Variants in ARFGEF2 observed in about 807,000 individuals in gnomAD.
ARFGEF2 encodes ARF guanine nucleotide exchange factor 2.
A neutral mutation model predicts 219.9 loss-of-function variants in ARFGEF2; 74 were observed. The observed-to-expected ratio is 0.34, with a 90% CI of 0.28 to 0.41. ARFGEF2 has a LOEUF of 0.41. Ranked by LOEUF, ARFGEF2 falls within the 10% of genes least tolerant of loss-of-function variation. The probability of loss-of-function intolerance (pLI) is 1.00; values close to 1 mark genes in which losing one functional copy is unlikely to be tolerated. For synonymous variants in ARFGEF2, 733 were observed against 799.2 expected (o/e 0.92, Z 1.40); for missense variants, 1,743 against 2,218.3 (o/e 0.79, Z 4.30).
intron 26 of ARFGEF2, among the ~76,000 whole-genome samples, chr20:49,006,062 G>A (rs1307064257): frequency 6.6e-6 from 1 of 152,064 alleles, no homozygotes; most frequent in Non-Finnish European, 1.5e-5. Context: ...TTGGGAGGCC[G>A]AGTCAGGTGG....
intron 15 of ARFGEF2, 153 bp downstream of exon 15, chr20:48,984,993 G>A: frequency 2.4e-6 from 2 of 825,854 alleles, no homozygotes; most frequent in Non-Finnish European, 2.9e-6. Context: ...CCGGGTTACA[G>A]CAGTCCTGTG....
Position 48,984,846 on chromosome 20 carries a change from G to T in ARFGEF2, c.2070+6G>T. 6 of 1,612,286 alleles carry T rather than the reference G, an allele frequency of 3.7e-6. No individual in the cohort carries two copies. Among genetic ancestry groups the T allele is most frequent in the Non-Finnish European group, 5.1e-6 (6 of 1,180,016 alleles). On this transcript the variant is annotated splice_donor_region_variant and intron_variant, in intron 15 of 38. Coordinates refer to ENST00000371917, the MANE Select transcript of ARFGEF2 (RefSeq NM_006420.3). The stretch of plus-strand genomic sequence containing the variant: ...AGGAGGAGCGCCTGGATTCCGTAAG[G>T]CTTGGGGGTGTAGCACTTGCATGTG...
At chr20:49,005,266 G>C in intron 26 of ARFGEF2, 45 bp downstream of exon 26, 2 of 1,612,520 alleles carry the variant, frequency 1.2e-6, no homozygotes, top group South Asian at 2.2e-5. Flanking sequence ...TTCCCCGTTG[G>C]GGCTCCCAGA....
intron 21 of ARFGEF2, among the ~76,000 whole-genome samples, chr20:48,991,662 T>TA (rs1274070901): frequency 1.3e-5 from 2 of 152,290 alleles, no homozygotes; most frequent in East Asian, 3.9e-4. Flanking sequence ...TATAGTTACT[T>TA]ATGTGTACAA....
intron 28 of ARFGEF2, among the ~76,000 whole-genome samples, 180 bp downstream of exon 28, chr20:49,012,264 A>G (rs1412330403): frequency 1.3e-5 from 2 of 152,190 alleles, no homozygotes; most frequent in African/African-American, 2.4e-5. Context: ...ATTATTTGGT[A>G]TATGTGAAAT....
intron 35 of ARFGEF2, among the ~76,000 whole-genome samples, chr20:49,024,314 A>G (rs770588555): frequency 1.2e-4 from 18 of 152,158 alleles, no homozygotes; most frequent in Non-Finnish European, 2.5e-4. Context: ...TCAGTGTCCA[A>G]AAGTTGGACA....
intron 35 of ARFGEF2, 110 bp downstream of exon 35, chr20:49,023,291 ATCTCTT>A (rs2091577929): frequency 8.4e-6 from 12 of 1,423,056 alleles, no homozygotes; most frequent in Non-Finnish European, 1.1e-5. Flanking sequence ...TGTCATGCTC[ATCTCTT>A]TCCAACCTCA....
chr20:49,032,081 CTG>C lies in ARFGEF2; in HGVS notation c.5099_5100del (p.Val1700GlufsTer3). 3 of 1,614,058 alleles carry C rather than the reference CTG, an allele frequency of 1.9e-6. No homozygotes were observed. The highest frequency in any genetic ancestry group is 2.2e-5 in the East Asian group (1 of 44,884). On this transcript the variant is annotated frameshift_variant, in exon 38 of 39. Transcript: ENST00000371917. LOFTEE classifies it high-confidence loss of function. Reference sequence around the variant, plus strand: ...AGTGAAGCTCTTGCCTATTTCATCACTGTGAATTCTGAGAGCCATCGGGAGGC... The same window carrying C: ...AGTGAAGCTCTTGCCTATTTCATCACTGAATTCTGAGAGCCATCGGGAGGC...
intron 3 of ARFGEF2, among the ~76,000 whole-genome samples, chr20:48,950,433 T>C (rs2091058542): frequency 6.6e-6 from 1 of 152,032 alleles, no homozygotes; most frequent in Non-Finnish European, 1.5e-5. Flanking sequence ...AAAATACATA[T>C]TCATATATAT....
chr20:49,034,351 C>A lies in ARFGEF2; in HGVS notation c.*1152C>A, dbSNP rs747943155. On this transcript the variant is annotated 3_prime_UTR_variant, in exon 39 of 39. Transcript: ENST00000371917. Reference sequence around the variant, plus strand: ...TTAATCTGAGCCTAGGAGTTGAATTCTTTGGCAAGGTTGGATTCTGAGGTC... The same window carrying A: ...TTAATCTGAGCCTAGGAGTTGAATTATTTGGCAAGGTTGGATTCTGAGGTC... 1.3e-5 allele frequency: 2 copies of A among 152,238 alleles called. No homozygotes were observed. Among genetic ancestry groups the A allele is most frequent in the Non-Finnish European group, 1.5e-5 (1 of 68,068 alleles). 9.4% of individuals were successfully genotyped at this position (152,238 alleles called of 1,614,324 possible). A position where few individuals can be genotyped will look rare whatever the true frequency, so the allele number is the denominator to read the frequency against.
In ARFGEF2 at chr20:49,011,829, GTA is replaced by G. The variant is rs1038990361; in HGVS notation, c.3758-93_3758-92del. 520 of 1,246,586 alleles carry G rather than the reference GTA, an allele frequency of 4.2e-4. 1 individual carries two copies. In the African/African-American group the frequency reaches 6.9e-3, roughly 17 times the overall value. The allele number at this position is 1,246,586 out of a possible 1,614,324, so 77.2% of individuals were successfully genotyped here. On this transcript the variant is annotated intron_variant, in intron 27 of 38. Transcript: ENST00000371917. ...ATTTTCACAGTTAATTATCTCTGAT[GTA>G]TGTGTGTGTGTGTGTGTGTGCACGC...
chr20:48,927,702 T>TA (rs1298054565), intron 1 of ARFGEF2, among the ~76,000 whole-genome samples: 2 of 151,670 alleles, frequency 1.3e-5, no homozygotes, highest in East Asian at 3.9e-4. Context: ...AAAAAAAAAT[T>TA]AAAAAATAAA....
chr20:48,964,138 G>C (rs934927359), intron 7 of ARFGEF2, among the ~76,000 whole-genome samples: 3 of 152,220 alleles, frequency 2.0e-5, no homozygotes, highest in Non-Finnish European at 4.4e-5. Flanking sequence ...GCCAGGCGCG[G>C]TGGCTCATGC....
At chr20:49,005,885 T>G (rs1461521239) in intron 26 of ARFGEF2, among the ~76,000 whole-genome samples, 3 of 150,778 alleles carry the variant, frequency 2.0e-5, no homozygotes, top group African/African-American at 7.4e-5. Flanking sequence ...CCCAGGGAGG[T>G]CATAAAAGAG....
chr20:49,023,731 G>T (rs1169241493), intron 35 of ARFGEF2, among the ~76,000 whole-genome samples: 3 of 151,472 alleles, frequency 2.0e-5, no homozygotes, highest in African/African-American at 7.3e-5. Flanking sequence ...GTAGAGACGG[G>T]GTTTCACCGT....
At chr20:48,975,327 C>T (rs974375107) in intron 13 of ARFGEF2, among the ~76,000 whole-genome samples, 3 of 152,148 alleles carry the variant, frequency 2.0e-5, no homozygotes, top group Non-Finnish European at 2.9e-5. Flanking sequence ...GGATTACAGA[C>T]GTGAGCCACT....
At chr20:48,931,149 C>T (rs538074229) in intron 1 of ARFGEF2, among the ~76,000 whole-genome samples, 5 of 152,200 alleles carry the variant, frequency 3.3e-5, no homozygotes, top group African/African-American at 9.6e-5. Context: ...AGGAAACAGA[C>T]GGTGAACATA....
intron 6 of ARFGEF2, among the ~76,000 whole-genome samples, chr20:48,957,444 AG>A (rs1410751944): frequency 3.3e-5 from 5 of 152,238 alleles, no homozygotes; most frequent in African/African-American, 1.2e-4. Context: ...AGCCTATTCA[AG>A]GTGGCCCTCT....
chr20:48,979,181 T>C (rs928170684), intron 14 of ARFGEF2, among the ~76,000 whole-genome samples: 1 of 152,244 alleles, frequency 6.6e-6, no homozygotes. Context: ...GTTTTTAGCA[T>C]GAAGGGCTGT....
Sources: gnomAD v4.1 joint callset for allele counts (sites outside exome capture counted in the v4.1 genomes callset) on GRCh38, gnomAD v4.1.1 for gene constraint, MANE v1.5 for transcripts, NCBI Gene and HGNC (gene_info 2026-07-23, HGNC 2026-07-21) for gene names.